DEF8: variants seen among roughly 807,000 people sequenced by gnomAD.
The protein encoded by DEF8 is differentially expressed in FDCP 8 homolog.
Under a neutral mutation model 59.1 loss-of-function variants are expected in DEF8, and 38 were observed. The ratio of observed to expected loss-of-function variants is 0.64; its 90% CI spans 0.50 to 0.84. The LOEUF (loss-of-function observed/expected upper bound fraction) is 0.84, where lower values mean the gene tolerates loss of function less well. Ranked by LOEUF, DEF8 falls within the 40% of genes least tolerant of loss-of-function variation. The pLI is 0.00. For synonymous variants in DEF8, 265 were observed against 250.1 expected, an observed-to-expected ratio of 1.06 and a Z score of -0.56; for missense variants, 557 against 615.2, an observed-to-expected ratio of 0.91 and a Z score of 1.00.
intron 10 of DEF8, chr16:89,963,918 G>A: frequency 1.7e-6 from 1 of 598,738 alleles, no homozygotes; most frequent in Non-Finnish European, 3.1e-6. Context: ...GGGAGTGCGG[G>A]GATGCGGTGT....
At chr16:89,957,490 C>A (rs1250877720) in intron 4 of DEF8, 21 bp from the exon 5 acceptor site, 1 of 1,565,472 alleles carries the variant, frequency 6.4e-7, no homozygotes, top group Middle Eastern at 1.7e-4. Context: ...CTTTGACTGC[C>A]CCCGCCCCCA....
chr16:89,965,767 G>A (rs2034557504), intron 12 of DEF8, 94 bp from the exon 13 acceptor site: 1 of 763,866 alleles, frequency 1.3e-6, no homozygotes, highest in East Asian at 2.7e-5. Context: ...GGTAACGGCT[G>A]TAGAGGGGAT....
intron 8 of DEF8, 44 bp from the exon 9 acceptor site, chr16:89,961,968 G>T (rs1027598941): frequency 6.2e-7 from 1 of 1,610,708 alleles, no homozygotes; most frequent in Non-Finnish European, 8.5e-7. Context: ...CGCTGCACGG[G>T]CCCTGGGTGG....
chr16:89,949,079 A>T (rs557074465), intron 1 of DEF8, among the ~76,000 whole-genome samples: 7,459 of 33,712 alleles, frequency 0.22, 1,181 homozygotes, highest in African/African-American at 0.5. Flanking sequence ...GCCGGCGGGG[A>T]CGGGGCCGGC....
rs2034634331 is a variant in DEF8 at position 89,966,932 on chromosome 16, G to A, written c.*969G>A. On this transcript the variant is annotated 3_prime_UTR_variant, in exon 13 of 13. Transcript: ENST00000563594. ...ATGGCCTTTTGTTTGGGGGCCTGAG[G>A]TCAAGAGAGCTGAGAGTATTCGCTC... 1 of 197,556 alleles carries A rather than the reference G, an allele frequency of 5.1e-6. No individual in the cohort carries two copies. The highest frequency in any genetic ancestry group is 1.0e-5 in the Non-Finnish European group (1 of 98,178). The allele number at this position is 197,556 out of a possible 1,614,324, so 12.2% of individuals were successfully genotyped here.
intron 2 of DEF8, among the ~76,000 whole-genome samples, chr16:89,952,979 C>A (rs2032465842): frequency 6.6e-6 from 1 of 152,232 alleles, no homozygotes; most frequent in Admixed American, 6.5e-5. Context: ...CAGTGTGACC[C>A]TGAGCAGGGC....
intron 2 of DEF8, among the ~76,000 whole-genome samples, chr16:89,951,785 C>T (rs1243976883): frequency 4.6e-5 from 7 of 151,960 alleles, no homozygotes; most frequent in African/African-American, 1.7e-4. Context: ...CCTTTAAGGA[C>T]AATTCTCAGA....
intron 5 of DEF8, 192 bp downstream of exon 5, chr16:89,957,852 A>G (rs1393336251): frequency 3.3e-6 from 2 of 601,198 alleles, no homozygotes; most frequent in African/African-American, 1.9e-5. Flanking sequence ...AGGTTTCCCT[A>G]TTAGCCTAGA....
At position 89,949,026 on chromosome 16, in the gene DEF8, CGGCG is replaced by C. The variant is rs2031350910; in HGVS notation, c.-108+215_-108+218del. Reference sequence around the variant, plus strand: ...GGGTCGGGGCTGGGAGGGACGGGGCCGGCGGGGACGGGGTCGGCGGGGTCGGGGC... The same window carrying C: ...GGGTCGGGGCTGGGAGGGACGGGGCCGGGACGGGGTCGGCGGGGTCGGGGC... On this transcript the variant is annotated intron_variant, in intron 1 of 12. Coordinates refer to ENST00000563594, the MANE Select transcript of DEF8 (RefSeq NM_001242818.2). Among the ~76,000 whole-genome samples, 24 of 62,036 alleles carry C rather than the reference CGGCG, an allele frequency of 3.9e-4. 5 individuals are homozygous for C. Among genetic ancestry groups the C allele is most frequent in the African/African-American group, 1.9e-3 (23 of 11,906 alleles). The allele number at this position is 62,036 out of a possible 152,430, so 40.7% of individuals were successfully genotyped here.
intron 2 of DEF8, among the ~76,000 whole-genome samples, chr16:89,952,262 T>A (rs1288551202): frequency 6.6e-6 from 1 of 152,182 alleles, no homozygotes; most frequent in Non-Finnish European, 1.5e-5. Context: ...CCTTCCAGAG[T>A]GCTGGGATTA....
At chr16:89,955,900 G>A (rs1438864446) in intron 4 of DEF8, among the ~76,000 whole-genome samples, 1 of 151,308 alleles carries the variant, frequency 6.6e-6, no homozygotes, top group Non-Finnish European at 1.5e-5. Context: ...GTGAAACCCC[G>A]TCTCTACTAA....
intron 2 of DEF8, among the ~76,000 whole-genome samples, chr16:89,951,988 C>T (rs1233499722): frequency 6.6e-6 from 1 of 152,034 alleles, no homozygotes; most frequent in Non-Finnish European, 1.5e-5. Flanking sequence ...CGCTATTCTG[C>T]TGCCTCAGCC....
At position 89,954,285 on chromosome 16, in the gene DEF8, G is replaced by A; in HGVS notation, c.33G>A (p.Arg11=). Residue 11 remains arginine, a synonymous_variant, in exon 3 of 13, where the codon CGG becomes CGA. Coordinates refer to ENST00000563594, the MANE Select transcript of DEF8 (RefSeq NM_001242818.2). The surrounding 1 kb of genome is among the most constrained non-coding windows in gnomAD (Gnocchi z 4.3). ...ATGATGAGAAGCTGGCCCGTTTCCGGCAGGCCCACCTCAACCCCTTCAACA... is the reference window on the plus strand; with the variant it reads ...ATGATGAGAAGCTGGCCCGTTTCCGACAGGCCCACCTCAACCCCTTCAACA... MEYDEKLARF[R]QAHLNPFNKQ... The A allele has an allele frequency of 1.2e-6, 2 of 1,613,460 alleles. No individual in the cohort carries two copies. Among genetic ancestry groups the A allele is most frequent in the Admixed American group, 3.3e-5 (2 of 60,020 alleles).
intron 4 of DEF8, 129 bp from the exon 5 acceptor site, chr16:89,957,382 T>C (rs1365605023): frequency 2.8e-6 from 3 of 1,063,012 alleles, no homozygotes; most frequent in African/African-American, 3.2e-5. Flanking sequence ...CTCGGTGCCC[T>C]CTGGGTTGAG....
chr16:89,955,634 T>C (rs2033036911), intron 4 of DEF8, among the ~76,000 whole-genome samples: 1 of 151,834 alleles, frequency 6.6e-6, no homozygotes, highest in Non-Finnish European at 1.5e-5. Flanking sequence ...TTGCCGAGAG[T>C]CAGGGTGTGG....
At chr16:89,955,141 C>G (rs765416334) in intron 3 of DEF8, 28 bp from the exon 4 acceptor site, 1 of 1,578,826 alleles carries the variant, frequency 6.3e-7, no homozygotes, top group South Asian at 1.1e-5. Flanking sequence ...GCAGCTGACG[C>G]TCCACACCTG....
At chr16:89,950,196 C>T (rs2031746546) in intron 2 of DEF8, 14 of 986,366 alleles carry the variant, frequency 1.4e-5, no homozygotes, top group Non-Finnish European at 1.7e-5. Context: ...CTTCCCCAGG[C>T]GTAGCTCCTG....
chr16:89,961,891 C>T, intron 8 of DEF8, 27 bp downstream of exon 8: 2 of 1,597,624 alleles, frequency 1.3e-6, no homozygotes, highest in Non-Finnish European at 1.7e-6. Flanking sequence ...GGGGGCATCC[C>T]CCTGGGGAGG....
Position 89,964,279 on chromosome 16 carries a change from T to C in DEF8, c.1112T>C (p.Leu371Pro). The C allele has an allele frequency of 1.2e-6, 2 of 1,603,172 alleles. No individual in the cohort carries two copies. The highest frequency in any genetic ancestry group is 1.7e-6 in the Non-Finnish European group (2 of 1,175,318). ...LGCSLTEIHT[L>P]FAKHIKLDCE... ...TGCTCGCTCACCGAGATCCACACGC[T>C]CTTCGCCAAGCACATCAAGCTGGAC... is the stretch of plus-strand genomic sequence containing the variant. The change falls in exon 11 of 13, where the codon CTC becomes CCC. Residue 371 changes from leucine (L) to proline (P), a missense_variant. Coordinates refer to ENST00000563594, the MANE Select transcript of DEF8 (RefSeq NM_001242818.2).
Sources: allele counts gnomAD v4.1 joint callset (sites outside exome capture counted in the v4.1 genomes callset), GRCh38; gene constraint gnomAD v4.1.1; non-coding constraint Gnocchi (gnomAD v3.1); transcripts MANE v1.5; gene names NCBI Gene and HGNC (gene_info 2026-07-23, HGNC 2026-07-21).